Variants in ADAMTS2 observed in about 807,000 individuals in gnomAD.
ADAMTS2 encodes the protein ADAM metallopeptidase with thrombospondin type 1 motif 2, also known as A disintegrin and metalloproteinase with thrombospondin motifs 2.
A neutral mutation model predicts 123.0 loss-of-function variants in ADAMTS2; 50 were observed. The observed-to-expected ratio is 0.41, with a 90% CI of 0.32 to 0.51. The LOEUF is 0.51. Ranked by LOEUF, ADAMTS2 falls within the 20% of genes least tolerant of loss-of-function variation. The probability of loss-of-function intolerance (pLI) is 0.35; values close to 1 mark genes in which losing one functional copy is unlikely to be tolerated. For missense variants in ADAMTS2, 1,494 were observed against 1,705.2 expected, an observed-to-expected ratio of 0.88 and a Z score of 2.18; for synonymous variants, 678 against 695.4, an observed-to-expected ratio of 0.98 and a Z score of 0.39.
chr5:179,272,908 C>A lies in ADAMTS2; in HGVS notation c.688+3G>T, dbSNP rs1766579563. 6.2e-7 allele frequency: 1 copy of A among 1,608,582 alleles called. No homozygotes were observed. Among genetic ancestry groups the A allele is most frequent in the Non-Finnish European group, 8.5e-7 (1 of 1,179,862 alleles). On this transcript the variant is annotated splice_donor_region_variant and intron_variant, in intron 3 of 21. Transcript: ENST00000251582. The surrounding 1 kb of genome is among the most constrained non-coding windows in gnomAD (Gnocchi z 5.8). Reference sequence around the variant, plus strand: ...ACAGCCTGCCCACCTGCAGTAGCCTCACCTGTGTCCAGGGCCTGTGGCCCC... The same window carrying A: ...ACAGCCTGCCCACCTGCAGTAGCCTAACCTGTGTCCAGGGCCTGTGGCCCC...
Position 179,285,428 on chromosome 5 carries a change from C to T in ADAMTS2, c.535-12364G>A, listed in dbSNP as rs558761569. Among the ~76,000 whole-genome samples the T allele has an allele frequency of 2.6e-4, 39 of 152,352 alleles. 2 individuals are homozygous for T. The South Asian group carries it at 7.3e-3, about 28-fold the overall frequency. On this transcript the variant is annotated intron_variant, in intron 2 of 21. Transcript: ENST00000251582. The surrounding 1 kb of genome is among the most constrained non-coding windows in gnomAD (Gnocchi z 4.9). ...TCAAGCAACGCTTGAGTGGCTCCCT[C>T]GGGACCTGGCCTGTCCAGAATGTCC...
At chr5:179,173,372 T>C (rs758870132) in intron 5 of ADAMTS2, among the ~76,000 whole-genome samples, 9 of 152,202 alleles carry the variant, frequency 5.9e-5, no homozygotes, top group Non-Finnish European at 1.0e-4. Context: ...TCCAGTCTTT[T>C]TGGTAAATAT....
chr5:179,127,812 T>C, intron 17 of ADAMTS2, 147 bp downstream of exon 17: 1 of 812,788 alleles, frequency 1.2e-6, no homozygotes, highest in Non-Finnish European at 1.9e-6. Flanking sequence ...GGCCCCTCCA[T>C]TGCCGCTAAG....
At chr5:179,217,697 A>T (rs898329840) in intron 3 of ADAMTS2, among the ~76,000 whole-genome samples, 2 of 91,046 alleles carry the variant, frequency 2.2e-5, no homozygotes, top group South Asian at 3.8e-4. Context: ...GCAGTTTCCC[A>T]CTCTGCTGGA....
In ADAMTS2 at chr5:179,307,313, C is replaced by T. The variant is rs1181990902; in HGVS notation, c.535-34249G>A. On this transcript the variant is annotated intron_variant, in intron 2 of 21. Coordinates refer to ENST00000251582, the MANE Select transcript of ADAMTS2 (RefSeq NM_014244.5). This position sits in a 1 kb window ranked among gnomAD's most constrained non-coding sequence, Gnocchi z 5.6. ...GACCTGGGGCCCACAGGAGGTCCAC[C>T]GGCCCTCTCAGGGCTCGAGCACCCG... Among the ~76,000 whole-genome samples, 16 of 152,208 alleles carry T rather than the reference C, an allele frequency of 1.1e-4. No homozygotes were observed. Among genetic ancestry groups the T allele is most frequent in the African/African-American group, 7.2e-5 (3 of 41,458 alleles).
At chr5:179,315,133 C>T (rs1191560991) in intron 2 of ADAMTS2, among the ~76,000 whole-genome samples, 3 of 151,496 alleles carry the variant, frequency 2.0e-5, no homozygotes, top group East Asian at 3.9e-4. Flanking sequence ...TCTGTTCCTC[C>T]TGGGTCCCTG....
intron 3 of ADAMTS2, among the ~76,000 whole-genome samples, chr5:179,246,138 C>T (rs1334282430): frequency 6.6e-6 from 1 of 152,184 alleles, no homozygotes; most frequent in Non-Finnish European, 1.5e-5. Flanking sequence ...TCTTATTCTC[C>T]AACTCAGCAG....
intron 9 of ADAMTS2, among the ~76,000 whole-genome samples, 190 bp from the exon 10 acceptor site, chr5:179,152,445 T>C (rs1763380021): frequency 1.3e-5 from 2 of 152,106 alleles, no homozygotes; most frequent in Non-Finnish European, 2.9e-5. Context: ...GGCTGCAGCA[T>C]CCCTGGACGC....
intron 11 of ADAMTS2, among the ~76,000 whole-genome samples, chr5:179,138,756 T>C (rs1467536368): frequency 6.6e-6 from 1 of 152,146 alleles, no homozygotes; most frequent in African/African-American, 2.4e-5. Context: ...GCTGTCCCAC[T>C]GCGGGATCCC....
At chr5:179,289,827 C>T (rs1756135230) in intron 2 of ADAMTS2, among the ~76,000 whole-genome samples, 1 of 152,222 alleles carries the variant, frequency 6.6e-6, no homozygotes, top group Non-Finnish European at 1.5e-5. Flanking sequence ...CTGCCAGAAA[C>T]ACGTAAGCTC....
At chr5:179,299,299 G>GTCAGGAGATGGAGACCATCCTGGCCAACA in intron 2 of ADAMTS2, among the ~76,000 whole-genome samples, 1 of 130,704 alleles carries the variant, frequency 7.7e-6, no homozygotes, top group Non-Finnish European at 1.6e-5. Flanking sequence ...GGAGGCTGAG[G>GTCAGGAGATGGAGACCATCCTGGCCAACA]CGGGCGGATC....
chr5:179,184,178 G>T (rs1027924182), intron 4 of ADAMTS2, among the ~76,000 whole-genome samples: 1 of 152,120 alleles, frequency 6.6e-6, no homozygotes, highest in African/African-American at 2.4e-5. Flanking sequence ...CTATCCTGGG[G>T]CTGAGTGCCC....
rs1167217144 is a variant in ADAMTS2 at position 179,121,665 on chromosome 5, C to G, written c.3174G>C (p.Ser1058=). The G allele has an allele frequency of 6.2e-7, 1 of 1,600,612 alleles. No individual in the cohort carries two copies. The highest frequency in any genetic ancestry group is 1.7e-5 in the Admixed American group (1 of 58,552). Residue 1058 remains serine (S), a synonymous_variant, in exon 21 of 22, where the codon TCG becomes TCC. Transcript: ENST00000251582. ...PDPDSPIRKI[S]SKGHCQGDKS... ...AGTTATAAACGGGTCGGTTACTTGA[C>G]GAGATCTTCCGGATGGGCGAGTCGG...
intron 10 of ADAMTS2, 36 bp downstream of exon 10, chr5:179,152,106 C>G (rs773756231): frequency 1.9e-6 from 3 of 1,584,170 alleles, no homozygotes; most frequent in East Asian, 4.5e-5. Context: ...TGTCCTCTGC[C>G]CTGCTGCCCT....
At chr5:179,209,560 A>C (rs1194068310) in intron 3 of ADAMTS2, among the ~76,000 whole-genome samples, 1 of 113,944 alleles carries the variant, frequency 8.8e-6, no homozygotes, top group African/African-American at 3.5e-5. Context: ...ACACACACAC[A>C]AGCACACACA....
At position 179,123,723 on chromosome 5, in the gene ADAMTS2, C is replaced by T. The variant is rs74799114; in HGVS notation, c.2959-950G>A. ...GGATCACTGGCGTAAGCCACTGTGC[C>T]CGGCCAACGCCTGTTTTCAAGACTG... On this transcript the variant is annotated intron_variant, in intron 19 of 21. Transcript: ENST00000251582. Among the ~76,000 whole-genome samples the T allele has an allele frequency of 1.4e-3, 220 of 152,396 alleles. 1 individual carries two copies. In the East Asian group the frequency reaches 0.034, roughly 24 times the overall value.
At chr5:179,116,121 C>T (rs1163985214) in intron 21 of ADAMTS2, among the ~76,000 whole-genome samples, 2 of 152,158 alleles carry the variant, frequency 1.3e-5, no homozygotes, top group African/African-American at 4.8e-5. Flanking sequence ...CTTGTTCCTC[C>T]CCGTCTCCCA....
intron 2 of ADAMTS2, among the ~76,000 whole-genome samples, chr5:179,277,811 A>G (rs1014503425): frequency 6.1e-5 from 1 of 16,276 alleles, no homozygotes; most frequent in African/African-American, 1.7e-4. Context: ...CCAAAGGCTG[A>G]CCCCCCCCGA....
intron 2 of ADAMTS2, among the ~76,000 whole-genome samples, chr5:179,338,867 C>T (rs1445400846): frequency 1.3e-5 from 2 of 151,858 alleles, no homozygotes; most frequent in African/African-American, 2.4e-5. Flanking sequence ...GGAGGGAAGC[C>T]GGGCCCTGAG....
Sources: allele counts gnomAD v4.1 joint callset (sites outside exome capture counted in the v4.1 genomes callset), GRCh38; gene constraint gnomAD v4.1.1; non-coding constraint Gnocchi (gnomAD v3.1); transcripts MANE v1.5; gene names NCBI Gene and HGNC (gene_info 2026-07-23, HGNC 2026-07-21).